SAMHD1: variants seen among roughly 807,000 people sequenced by gnomAD.
SAMHD1 encodes SAM and HD domain containing deoxynucleoside triphosphate triphosphohydrolase 1.
In SAMHD1, 54 loss-of-function variants were observed where a neutral mutation model predicts 79.6. That is an observed-to-expected ratio of 0.68 (90% CI 0.55 to 0.85). The LOEUF (loss-of-function observed/expected upper bound fraction) is 0.85, where lower values mean the gene tolerates loss of function less well. Ranked by LOEUF, SAMHD1 falls within the 40% of genes least tolerant of loss-of-function variation. The pLI is 0.00. For missense variants in SAMHD1, 663 were observed against 782.7 expected (o/e 0.85, Z 1.82); for synonymous variants, 260 against 264.1 (o/e 0.98, Z 0.15).
Position 36,895,645 on chromosome 20 carries a change from T to G in SAMHD1, c.1746+2177A>C, listed in dbSNP as rs574120787. On this transcript the variant is annotated intron_variant, in intron 15 of 15. Transcript: ENST00000646673. ...TCCGTGAGTGAATGTACCAAATTTA[T>G]AGTAGTTATCACGACACAGCCAAAC... Among the ~76,000 whole-genome samples the G allele has an allele frequency of 2.6e-4, 40 of 152,186 alleles. No individual in the cohort carries two copies. In the South Asian group the frequency reaches 8.1e-3, roughly 31 times the overall value.
chr20:36,925,121 A>T (rs1380854037), intron 6 of SAMHD1, among the ~76,000 whole-genome samples: 1 of 149,620 alleles, frequency 6.7e-6, no homozygotes, highest in Non-Finnish European at 1.5e-5. Flanking sequence ...GCACCACTGC[A>T]CTCCAGCCTG....
At chr20:36,893,091 G>A (rs771446566) in intron 15 of SAMHD1, 25 bp from the exon 16 acceptor site, 2 of 1,610,512 alleles carry the variant, frequency 1.2e-6, no homozygotes, top group Non-Finnish European at 1.7e-6. Flanking sequence ...GAGAAAAACA[G>A]GCAATAGAGA....
At chr20:36,922,348 G>A (rs776216199) in intron 6 of SAMHD1, among the ~76,000 whole-genome samples, 7 of 152,070 alleles carry the variant, frequency 4.6e-5, no homozygotes, top group Non-Finnish European at 8.8e-5. Context: ...TTGTTTTTAG[G>A]AAATACCCAC....
chr20:36,905,104 G>C (rs1327874076), intron 12 of SAMHD1: 1 of 466,998 alleles, frequency 2.1e-6, no homozygotes, highest in African/African-American at 2.0e-5. Context: ...TCCTGGATGA[G>C]ATCAAAGATT....
intron 11 of SAMHD1, among the ~76,000 whole-genome samples, chr20:36,909,728 T>TC (rs549860256): frequency 5.5e-4 from 83 of 150,406 alleles, no homozygotes; most frequent in African/African-American, 1.9e-3. Context: ...CCTTTACCTC[T>TC]CTTTCCTCCT....
chr20:36,936,001 G>C (rs935217484), intron 3 of SAMHD1, among the ~76,000 whole-genome samples: 1 of 152,112 alleles, frequency 6.6e-6, no homozygotes, highest in African/African-American at 2.4e-5. Flanking sequence ...GCAGGTCCGA[G>C]TGCAGGTGCT....
At chr20:36,899,292 G>GT (rs991919454) in intron 13 of SAMHD1, among the ~76,000 whole-genome samples, 4 of 151,676 alleles carry the variant, frequency 2.6e-5, no homozygotes, top group Non-Finnish European at 2.9e-5. Context: ...GCCAGACGTG[G>GT]TGTTGTGCAC....
At chr20:36,897,785 A>G (rs2148355448) in intron 15 of SAMHD1, 37 bp downstream of exon 15, 1 of 1,614,042 alleles carries the variant, frequency 6.2e-7, no homozygotes. Context: ...TTAAAAATAA[A>G]AAATTGTGCA....
chr20:36,913,243 C>A (rs1418951238), intron 9 of SAMHD1, among the ~76,000 whole-genome samples: 2 of 150,922 alleles, frequency 1.3e-5, no homozygotes, highest in African/African-American at 4.9e-5. Flanking sequence ...ATGATCTGCC[C>A]GCCTCGGCCT....
At chr20:36,911,103 A>G in intron 11 of SAMHD1, 115 bp downstream of exon 11, 1 of 648,900 alleles carries the variant, frequency 1.5e-6, no homozygotes, top group Non-Finnish European at 2.6e-6. Flanking sequence ...TTTTAAAATT[A>G]AATAATTATC....
intron 6 of SAMHD1, among the ~76,000 whole-genome samples, chr20:36,924,223 C>T (rs997336124): frequency 6.7e-6 from 1 of 150,024 alleles, no homozygotes; most frequent in Non-Finnish European, 1.5e-5. Context: ...CTGCACTCCA[C>T]CCTGGGTGAC....
intron 13 of SAMHD1, among the ~76,000 whole-genome samples, chr20:36,902,451 G>C (rs1316426883): frequency 6.6e-6 from 1 of 152,214 alleles, no homozygotes; most frequent in Non-Finnish European, 1.5e-5. Flanking sequence ...CAAAGTGCTG[G>C]GATTGCAGGC....
chr20:36,920,431 A>C (rs2063497943), intron 6 of SAMHD1, among the ~76,000 whole-genome samples: 2 of 152,050 alleles, frequency 1.3e-5, no homozygotes, highest in African/African-American at 2.4e-5. Flanking sequence ...CCGCCCCCGC[A>C]GAAACAATTC....
intron 13 of SAMHD1, among the ~76,000 whole-genome samples, chr20:36,901,886 A>C (rs1308831700): frequency 4.6e-5 from 7 of 152,264 alleles, no homozygotes; most frequent in African/African-American, 1.7e-4. Flanking sequence ...CACTGCAGAA[A>C]GTTCTATGGG....
At position 36,919,360 on chromosome 20, in the gene SAMHD1, T is replaced by G; in HGVS notation, c.852+4A>C. On this transcript the variant is annotated splice_donor_region_variant and intron_variant, in intron 7 of 15. Coordinates refer to ENST00000646673, the MANE Select transcript of SAMHD1 (RefSeq NM_015474.4). The stretch of plus-strand genomic sequence containing the variant: ...AGTTAAAATTAAGCTGTACATAAAC[T>G]TACCAATGAATCTTCGACAGGTGAT... 1 of 1,613,222 alleles carries G rather than the reference T, an allele frequency of 6.2e-7. No individual in the cohort carries two copies. The highest frequency in any genetic ancestry group is 8.5e-7 in the Non-Finnish European group (1 of 1,179,436).
At chr20:36,928,417 T>C (rs1323794079) in intron 5 of SAMHD1, among the ~76,000 whole-genome samples, 3 of 151,292 alleles carry the variant, frequency 2.0e-5, no homozygotes, top group Non-Finnish European at 4.4e-5. Flanking sequence ...CTGGGCGCGG[T>C]GGCTCATGCC....
rs180822813 is a variant in SAMHD1 at position 36,942,390 on chromosome 20, C to A, written c.276-1279G>T. ...CCGAGATGGCGCCATTGCACTCCAG[C>A]CTGGGCAACAAGAGCAAAACTCCAA... On this transcript the variant is annotated intron_variant, in intron 2 of 15. Transcript: ENST00000646673. Among the ~76,000 whole-genome samples, 54 of 152,212 alleles carry A rather than the reference C, an allele frequency of 3.5e-4. 2 individuals carry two copies. Among genetic ancestry groups the A allele is most frequent in the Middle Eastern group, 6.8e-3 (2 of 294 alleles).
At chr20:36,950,763 T>C (rs998173963) in intron 1 of SAMHD1, among the ~76,000 whole-genome samples, 1 of 152,166 alleles carries the variant, frequency 6.6e-6, no homozygotes, top group African/African-American at 2.4e-5. Flanking sequence ...GTTCTGCAAG[T>C]GCAGTCAACA....
downstream of SAMHD1, chr20:36,890,195 A>G (rs1019157195): frequency 6.6e-6 from 1 of 152,052 alleles, no homozygotes; most frequent in African/African-American, 2.4e-5. Flanking sequence ...AGAGGTCGAA[A>G]CCTTTGTGGA....
Sources: allele counts gnomAD v4.1 joint callset (sites outside exome capture counted in the v4.1 genomes callset), GRCh38; gene constraint gnomAD v4.1.1; transcripts MANE v1.5; gene names NCBI Gene and HGNC (gene_info 2026-07-23, HGNC 2026-07-21).